The following COL26A1 variants were observed in gnomAD, a reference collection of about 807,000 sequenced individuals.
COL26A1 encodes collagen alpha-1(XXVI) chain.
In COL26A1, 41 loss-of-function variants were observed where a neutral mutation model predicts 59.3. That is an observed-to-expected ratio of 0.69 (90% CI 0.54 to 0.90). COL26A1 has a LOEUF of 0.90. Ranked by LOEUF, COL26A1 falls within the 40% of genes least tolerant of loss-of-function variation. COL26A1 has a pLI of 0.00. For synonymous variants in COL26A1, 266 were observed against 256.0 expected (o/e 1.04, Z -0.37); for missense variants, 612 against 602.3 (o/e 1.02, Z -0.17).
intron 3 of COL26A1, among the ~76,000 whole-genome samples, chr7:101,475,290 A>G (rs1794005542): frequency 8.0e-6 from 1 of 125,492 alleles, no homozygotes; most frequent in Admixed American, 7.1e-5. Flanking sequence ...CTCAGAGACA[A>G]GGATGTTCCT....
chr7:101,471,700 C>T (rs1256425284), intron 3 of COL26A1, among the ~76,000 whole-genome samples: 1 of 151,088 alleles, frequency 6.6e-6, no homozygotes, highest in African/African-American at 2.4e-5. Flanking sequence ...CTGCCTCAGC[C>T]TTCAGAGTAG....
chr7:101,403,018 A>G (rs1792051399), intron 1 of COL26A1, among the ~76,000 whole-genome samples: 1 of 151,456 alleles, frequency 6.6e-6, no homozygotes, highest in Non-Finnish European at 1.5e-5. Flanking sequence ...TAATTTTTAA[A>G]TTTTTAGTAG....
chr7:101,362,595 T>C (rs1790915254), upstream of COL26A1, among the ~76,000 whole-genome samples: 1 of 152,086 alleles, frequency 6.6e-6, no homozygotes, highest in South Asian at 2.1e-4. Context: ...CCAGGTGAAA[T>C]TGGCAGACAC....
At chr7:101,401,314 AGTGATGATGAGG>A (rs1791989722) in intron 1 of COL26A1, among the ~76,000 whole-genome samples, 1 of 152,122 alleles carries the variant, frequency 6.6e-6, no homozygotes, top group African/African-American at 2.4e-5. Flanking sequence ...GCTTCCTACC[AGTGATGATGAGG>A]GTGATGATGA....
At chr7:101,463,400 T>A (rs13241656) in intron 3 of COL26A1, among the ~76,000 whole-genome samples, 2 of 151,940 alleles carry the variant, frequency 1.3e-5, no homozygotes, top group Admixed American at 1.3e-4. Context: ...TATCCATTCA[T>A]CTGCCATGGG....
chr7:101,366,390 T>C (rs6945102), intron 1 of COL26A1, among the ~76,000 whole-genome samples: 91,659 of 149,816 alleles, frequency 0.61, 30,888 homozygotes, highest in African/African-American at 0.91. Flanking sequence ...GGGGCTTGGC[T>C]TCAGTTGACA....
intron 8 of COL26A1, 138 bp downstream of exon 8, chr7:101,547,377 A>G (rs1795760566): frequency 1.9e-6 from 1 of 540,334 alleles, no homozygotes; most frequent in Non-Finnish European, 3.3e-6. Flanking sequence ...GGTCTGTCCC[A>G]CCCGCTGTGT....
At chr7:101,466,073 A>G (rs890164261) in intron 3 of COL26A1, among the ~76,000 whole-genome samples, 1 of 151,230 alleles carries the variant, frequency 6.6e-6, no homozygotes, top group Admixed American at 6.6e-5. Context: ...ATCATTGATC[A>G]CTCCCAGCCT....
chr7:101,363,414 T>A (rs1302345834), intron 1 of COL26A1, among the ~76,000 whole-genome samples: 7 of 63,378 alleles, frequency 1.1e-4, no homozygotes, highest in Non-Finnish European at 1.5e-4. Flanking sequence ...GGGCGCGGGG[T>A]GGCGGATGCC....
At chr7:101,539,278 C>G (rs565887906) in intron 4 of COL26A1, among the ~76,000 whole-genome samples, 29 of 142,324 alleles carry the variant, frequency 2.0e-4, no homozygotes, top group East Asian at 1.2e-3. Context: ...CCTTTTCTGT[C>G]TGTGTGTGTG....
intron 1 of COL26A1, among the ~76,000 whole-genome samples, chr7:101,391,290 G>A (rs1343104337): frequency 2.0e-5 from 3 of 152,154 alleles, no homozygotes; most frequent in African/African-American, 7.2e-5. Context: ...GGAAGCATCC[G>A]GGCCTGGCCG....
chr7:101,363,106 A>G lies in COL26A1; in HGVS notation c.74A>G (p.Tyr25Cys). Reference sequence around the variant, plus strand: ...TCGGCGCTGGCCACCGGCTTCCTCTATCCCTTCTCGGCCGCAGCTCTGCAG... The same window carrying G: ...TCGGCGCTGGCCACCGGCTTCCTCTGTCCCTTCTCGGCCGCAGCTCTGCAG... ...CGSALATGFL[Y>C]PFSAAALQQH... Residue 25 changes from tyrosine to cysteine, a missense_variant, in exon 1 of 13, where the codon TAT becomes TGT. Transcript: ENST00000313669. 1.9e-6 allele frequency: 3 copies of G among 1,554,754 alleles called. No individual in the cohort carries two copies. The highest frequency in any genetic ancestry group is 2.6e-6 in the Non-Finnish European group (3 of 1,159,494).
At chr7:101,496,291 A>AAT (rs1341420139) in intron 3 of COL26A1, among the ~76,000 whole-genome samples, 3 of 152,254 alleles carry the variant, frequency 2.0e-5, no homozygotes, top group African/African-American at 7.2e-5. Flanking sequence ...CGGGTAACTG[A>AAT]ATAGGTTCAT....
intron 1 of COL26A1, among the ~76,000 whole-genome samples, chr7:101,406,255 T>A (rs546985788): frequency 6.6e-6 from 1 of 152,236 alleles, no homozygotes; most frequent in South Asian, 2.1e-4. Context: ...CAGTAAAAAC[T>A]ATTATGAGGA....
intron 3 of COL26A1, among the ~76,000 whole-genome samples, chr7:101,476,232 A>G (rs1794043436): frequency 6.6e-6 from 1 of 151,828 alleles, no homozygotes; most frequent in Non-Finnish European, 1.5e-5. Flanking sequence ...TCCTGACCTC[A>G]GGTGATCTGC....
At chr7:101,526,430 C>T (rs1006057091) in intron 3 of COL26A1, among the ~76,000 whole-genome samples, 2 of 152,220 alleles carry the variant, frequency 1.3e-5, no homozygotes, top group African/African-American at 2.4e-5. Context: ...TGCACATGCC[C>T]TCTGCCTGCA....
At chr7:101,428,224 G>A (rs1164014585) in intron 2 of COL26A1, among the ~76,000 whole-genome samples, 2 of 151,838 alleles carry the variant, frequency 1.3e-5, no homozygotes, top group South Asian at 2.1e-4. Context: ...GGGTGTGGTG[G>A]TGCATGTCTG....
intron 2 of COL26A1, among the ~76,000 whole-genome samples, chr7:101,423,887 A>G (rs1373681102): frequency 2.6e-5 from 4 of 152,150 alleles, no homozygotes; most frequent in African/African-American, 7.2e-5. Flanking sequence ...CCTATAACAT[A>G]TAACTAGTGG....
At chr7:101,437,957 C>T (rs758153590) in intron 2 of COL26A1, among the ~76,000 whole-genome samples, 6 of 152,062 alleles carry the variant, frequency 3.9e-5, no homozygotes, top group Non-Finnish European at 7.4e-5. Context: ...AGGTGATCCT[C>T]CTGCCTTGGC....
Sources: allele counts gnomAD v4.1 joint callset (sites outside exome capture counted in the v4.1 genomes callset), GRCh38; gene constraint gnomAD v4.1.1; transcripts MANE v1.5; gene names NCBI Gene and HGNC (gene_info 2026-07-23, HGNC 2026-07-21).